The following EDEM3 variants were observed in gnomAD, a reference collection of about 807,000 sequenced individuals.
EDEM3 encodes the protein ER degradation-enhancing alpha-mannosidase-like protein 3.
EDEM3 carries 60 observed loss-of-function variants against 110.2 expected under a neutral mutation model. That is an observed-to-expected ratio of 0.54 (90% CI 0.44 to 0.67). EDEM3 has a LOEUF of 0.67. Ranked by LOEUF, EDEM3 falls within the 30% of genes least tolerant of loss-of-function variation. The pLI, the probability that EDEM3 is intolerant of heterozygous loss-of-function variation, is 0.00. For missense variants in EDEM3, 996 were observed against 1,121.0 expected (o/e 0.89, Z 1.59); for synonymous variants, 352 against 382.9 (o/e 0.92, Z 0.94).
At chr1:184,750,518 C>CTT (rs376949251) in intron 1 of EDEM3, among the ~76,000 whole-genome samples, 1 of 146,388 alleles carries the variant, frequency 6.8e-6, no homozygotes, top group Non-Finnish European at 1.5e-5. Flanking sequence ...TTAACTTTTT[C>CTT]TTTTTTTTTT....
At chr1:184,734,947 T>C (rs762660525) in intron 4 of EDEM3, among the ~76,000 whole-genome samples, 10 of 152,238 alleles carry the variant, frequency 6.6e-5, no homozygotes, top group Non-Finnish European at 1.3e-4. Context: ...TGAGTTCTAG[T>C]AGAATTTGGC....
chr1:184,753,568 T>A (rs1350480170), intron 1 of EDEM3, among the ~76,000 whole-genome samples: 10 of 152,268 alleles, frequency 6.6e-5, no homozygotes, highest in Non-Finnish European at 1.0e-4. Context: ...TACCAATAAG[T>A]TACAGCAATT....
At chr1:184,718,471 AC>A (rs1164274804) in intron 11 of EDEM3, among the ~76,000 whole-genome samples, 1 of 152,136 alleles carries the variant, frequency 6.6e-6, no homozygotes, top group Non-Finnish European at 1.5e-5. Flanking sequence ...ACTTTCCAAA[AC>A]AAACACTTTA....
Position 184,691,334 on chromosome 1 carries a change from T to C in EDEM3, c.*2729A>G, listed in dbSNP as rs917221638. The C allele has an allele frequency of 1.3e-5, 2 of 152,566 alleles. No homozygotes were observed. Among genetic ancestry groups the C allele is most frequent in the Non-Finnish European group, 2.9e-5 (2 of 67,970 alleles). The allele number at this position is 152,566 out of a possible 1,614,324, so 9.5% of individuals were successfully genotyped here. On this transcript the variant is annotated 3_prime_UTR_variant, in exon 20 of 20. Transcript: ENST00000318130. ...AAAAAACTAGCTATTTTATTTTTAG[T>C]AGGTAAACAGGTTAAGTTTTAAAAC...
In EDEM3 at chr1:184,719,587, T is replaced by C. The variant is rs1212443121; in HGVS notation, c.952-19A>G. On this transcript the variant is annotated intron_variant, in intron 9 of 19. Transcript: ENST00000318130. The stretch of plus-strand genomic sequence containing the variant: ...CATAGTGCTAAAAGATCACAACATG[T>C]GTTCATGAAAGTTAGATGAAAAAAG... 2 of 1,611,252 alleles carry C rather than the reference T, an allele frequency of 1.2e-6. No homozygotes were observed. The highest frequency in any genetic ancestry group is 2.2e-5 in the East Asian group (1 of 44,840).
chr1:184,716,374 T>C (rs963295398), intron 13 of EDEM3, among the ~76,000 whole-genome samples: 5 of 152,168 alleles, frequency 3.3e-5, no homozygotes, highest in Non-Finnish European at 7.4e-5. Context: ...GAGCACTTTT[T>C]ATAGCTTGAA....
chr1:184,735,027 A>C (rs1409357916), intron 4 of EDEM3, among the ~76,000 whole-genome samples: 1 of 152,198 alleles, frequency 6.6e-6, no homozygotes, highest in Non-Finnish European at 1.5e-5. Flanking sequence ...TTTTATTCTC[A>C]GAAGAAAGCA....
chr1:184,728,409 C>A (rs909730094), intron 6 of EDEM3, among the ~76,000 whole-genome samples: 1 of 152,132 alleles, frequency 6.6e-6, no homozygotes, highest in Non-Finnish European at 1.5e-5. Context: ...CTTTCAGTAT[C>A]TTTTCCCTTA....
At chr1:184,749,525 T>TA (rs1305301017) in intron 2 of EDEM3, 22 bp downstream of exon 2, 3 of 1,526,650 alleles carry the variant, frequency 2.0e-6, no homozygotes, top group Non-Finnish European at 2.7e-6. Context: ...AAATGGTAGG[T>TA]AAAGATAAGC....
At chr1:184,714,479 T>C (rs948828152) in intron 13 of EDEM3, among the ~76,000 whole-genome samples, 1 of 152,142 alleles carries the variant, frequency 6.6e-6, no homozygotes, top group African/African-American at 2.4e-5. Flanking sequence ...GAAAAGTGTG[T>C]GTGTATGTCT....
chr1:184,739,529 A>G (rs1221416482), intron 2 of EDEM3, among the ~76,000 whole-genome samples: 1 of 151,948 alleles, frequency 6.6e-6, no homozygotes, highest in Admixed American at 6.6e-5. Context: ...TGATATCTTT[A>G]GCAACTGAGC....
Position 184,696,459 on chromosome 1 carries a change from C to T in EDEM3, c.2390-1987G>A, listed in dbSNP as rs726427. On this transcript the variant is annotated intron_variant, in intron 19 of 19. Coordinates refer to ENST00000318130, the MANE Select transcript of EDEM3 (RefSeq NM_025191.4). ...TTGTTTTTTTTTAACCCGGGGTGTCCGCTGTAACCCTTTATGATGGGGAGG... is the reference window on the plus strand; with the variant it reads ...TTGTTTTTTTTTAACCCGGGGTGTCTGCTGTAACCCTTTATGATGGGGAGG... 1.2e-3 allele frequency among the ~76,000 whole-genome samples: 178 copies of T among 151,504 alleles called. 3 individuals are homozygous for T. The East Asian group carries it at 0.03, about 25-fold the overall frequency.
intron 2 of EDEM3, among the ~76,000 whole-genome samples, chr1:184,746,788 G>A (rs1044574131): frequency 2.0e-5 from 3 of 152,096 alleles, no homozygotes; most frequent in Admixed American, 6.6e-5. Flanking sequence ...TTCTACTGTA[G>A]ACCAGACTGG....
chr1:184,728,112 T>C (rs1651288728), intron 6 of EDEM3, among the ~76,000 whole-genome samples: 1 of 152,204 alleles, frequency 6.6e-6, no homozygotes, highest in Non-Finnish European at 1.5e-5. Flanking sequence ...TTACCTACCA[T>C]GTGGGGGATA....
rs1388306114 is a variant in EDEM3 at position 184,754,847 on chromosome 1, G to C, written c.-201C>G. ...GCGCTGCCACCGCCCTCCGCCCTCA[G>C]TATCCCGGAGCGCCTCCCCCAGCTT... On this transcript the variant is annotated 5_prime_UTR_variant, in exon 1 of 20. Coordinates refer to ENST00000318130, the MANE Select transcript of EDEM3 (RefSeq NM_025191.4). 2.9e-5 allele frequency: 24 copies of C among 830,798 alleles called. No individual in the cohort carries two copies. The highest frequency in any genetic ancestry group is 4.2e-5 in the Non-Finnish European group (24 of 571,212). The allele number at this position is 830,798 out of a possible 1,614,324, so 51.5% of individuals were successfully genotyped here.
intron 6 of EDEM3, among the ~76,000 whole-genome samples, 161 bp from the exon 7 acceptor site, chr1:184,726,550 A>G (rs1193018652): frequency 6.6e-6 from 1 of 152,218 alleles, no homozygotes; most frequent in Non-Finnish European, 1.5e-5. Context: ...TCCAATTAGC[A>G]TGTAGGGAAA....
chr1:184,744,641 G>C (rs1647379125), intron 2 of EDEM3, among the ~76,000 whole-genome samples: 1 of 151,888 alleles, frequency 6.6e-6, no homozygotes. Context: ...TACAATAATA[G>C]CCAAAGACCA....
chr1:184,738,445 T>C (rs1275831954), intron 2 of EDEM3, among the ~76,000 whole-genome samples: 2 of 152,192 alleles, frequency 1.3e-5, no homozygotes, highest in African/African-American at 4.8e-5. Flanking sequence ...ACATGGAGGT[T>C]GATTTCAATT....
intron 2 of EDEM3, among the ~76,000 whole-genome samples, chr1:184,744,750 A>G (rs1652336410): frequency 6.6e-6 from 1 of 152,124 alleles, no homozygotes; most frequent in Admixed American, 6.5e-5. Flanking sequence ...ATTACAATAT[A>G]TCTCCAATAT....
Sources: gnomAD v4.1 joint callset for allele counts (sites outside exome capture counted in the v4.1 genomes callset) on GRCh38, gnomAD v4.1.1 for gene constraint, MANE v1.5 for transcripts, NCBI Gene and HGNC (gene_info 2026-07-23, HGNC 2026-07-21) for gene names.